Variants in NRXN3 observed in about 807,000 individuals in gnomAD.
NRXN3 encodes the protein neurexin III.
NRXN3 carries 32 observed loss-of-function variants against 137.6 expected under a neutral mutation model. The ratio of observed to expected loss-of-function variants is 0.23; its 90% CI spans 0.18 to 0.31. NRXN3 has a LOEUF of 0.31. Ranked by LOEUF, NRXN3 falls within the 10% of genes least tolerant of loss-of-function variation. The pLI is 1.00. For missense variants in NRXN3, 1,574 were observed against 2,062.5 expected, an observed-to-expected ratio of 0.76 and a Z score of 4.59; for synonymous variants, 798 against 784.5, an observed-to-expected ratio of 1.02 and a Z score of -0.29.
At chr14:79,451,321 G>C (rs1344828309) in intron 15 of NRXN3, among the ~76,000 whole-genome samples, 1 of 152,094 alleles carries the variant, frequency 6.6e-6, no homozygotes, top group Non-Finnish European at 1.5e-5. Context: ...TGAAAGATAG[G>C]TCATTTTTAA....
intron 4 of NRXN3, among the ~76,000 whole-genome samples, chr14:78,500,087 T>A (rs545197692): frequency 3.9e-5 from 6 of 152,298 alleles, no homozygotes; most frequent in African/African-American, 1.4e-4. Flanking sequence ...ATGCCTGACC[T>A]GTGGGTTGTC....
intron 20 of NRXN3, among the ~76,000 whole-genome samples, chr14:79,858,664 T>C (rs1479437365): frequency 6.6e-6 from 1 of 152,130 alleles, no homozygotes; most frequent in Non-Finnish European, 1.5e-5. Flanking sequence ...TGCCTTGTCC[T>C]CTGAAGGTAA....
chr14:78,782,774 T>A lies in NRXN3; in HGVS notation c.2045-20846T>A, dbSNP rs1288334304. Among the ~76,000 whole-genome samples the A allele has an allele frequency of 2.6e-5, 4 of 152,214 alleles. No individual in the cohort carries two copies. In the East Asian group the frequency reaches 7.7e-4, roughly 29 times the overall value. ...AGACTCAACTGAGAGATCAAGTGACTTGTCCAGTCACAGAGCTAATAAGTG... is the reference window on the plus strand; with the variant it reads ...AGACTCAACTGAGAGATCAAGTGACATGTCCAGTCACAGAGCTAATAAGTG... On this transcript the variant is annotated intron_variant, in intron 8 of 20. Transcript: ENST00000335750.
At chr14:78,364,970 ATTG>A (rs2085694782) in intron 4 of NRXN3, among the ~76,000 whole-genome samples, 1 of 152,190 alleles carries the variant, frequency 6.6e-6, no homozygotes, top group Non-Finnish European at 1.5e-5. Context: ...TGTTTTCACT[ATTG>A]TTAATGATTA....
At chr14:79,423,667 G>A (rs1033593337) in intron 15 of NRXN3, among the ~76,000 whole-genome samples, 1 of 152,134 alleles carries the variant, frequency 6.6e-6, no homozygotes, top group African/African-American at 2.4e-5. Context: ...AGCGTCGGTT[G>A]CTCTCATCGC....
chr14:79,737,944 A>G (rs2098947904), intron 19 of NRXN3, among the ~76,000 whole-genome samples: 1 of 152,158 alleles, frequency 6.6e-6, no homozygotes, highest in Non-Finnish European at 1.5e-5. Flanking sequence ...AGAATCCAAC[A>G]TTCTGTTGCA....
chr14:79,493,539 C>T (rs1244839717), intron 16 of NRXN3, among the ~76,000 whole-genome samples: 1 of 152,048 alleles, frequency 6.6e-6, no homozygotes, highest in Non-Finnish European at 1.5e-5. Context: ...AAGAGTCAAA[C>T]ATATAGAAAA....
chr14:78,983,806 G>A (rs1167220027), intron 14 of NRXN3, among the ~76,000 whole-genome samples: 2 of 145,722 alleles, frequency 1.4e-5, no homozygotes, highest in African/African-American at 2.6e-5. Flanking sequence ...GCAGTGAGCC[G>A]AGATCATGCC....
At chr14:78,783,265 G>A (rs2098776412) in intron 8 of NRXN3, among the ~76,000 whole-genome samples, 2 of 152,116 alleles carry the variant, frequency 1.3e-5, no homozygotes, top group African/African-American at 4.8e-5. Context: ...CATTTTTATG[G>A]TGTTCTTGCC....
intron 15 of NRXN3, among the ~76,000 whole-genome samples, chr14:79,286,980 A>G (rs2082372748): frequency 6.6e-6 from 1 of 152,198 alleles, no homozygotes; most frequent in Admixed American, 6.5e-5. Context: ...ACCAATGTGT[A>G]CAGGTTAAAT....
intron 16 of NRXN3, among the ~76,000 whole-genome samples, chr14:79,490,147 C>T (rs1262688244): frequency 6.6e-6 from 1 of 151,750 alleles, no homozygotes; most frequent in Non-Finnish European, 1.5e-5. Context: ...AGGCTTATAC[C>T]CAAAGATAGG....
intron 19 of NRXN3, among the ~76,000 whole-genome samples, chr14:79,741,333 G>T (rs1296609426): frequency 6.6e-6 from 1 of 152,084 alleles, no homozygotes; most frequent in Non-Finnish European, 1.5e-5. Context: ...AGAATCAACA[G>T]CATGCTTTCT....
chr14:79,247,650 G>A (rs1250823727), intron 15 of NRXN3, among the ~76,000 whole-genome samples: 1 of 152,088 alleles, frequency 6.6e-6, no homozygotes, highest in Non-Finnish European at 1.5e-5. Context: ...CCAAAAGCTA[G>A]GTAGTTGTCT....
chr14:78,823,833 C>G (rs180771111), intron 10 of NRXN3, among the ~76,000 whole-genome samples: 3 of 151,208 alleles, frequency 2.0e-5, no homozygotes, highest in Non-Finnish European at 2.9e-5. Flanking sequence ...ATGGGTTACA[C>G]GTTAAAAAAA....
chr14:78,605,864 A>C (rs2097247394), intron 4 of NRXN3, among the ~76,000 whole-genome samples: 1 of 152,242 alleles, frequency 6.6e-6, no homozygotes. Flanking sequence ...GGATTGCTGC[A>C]GTCAGATTTT....
chr14:79,797,456 ATAGTAT>A (rs2099164383), intron 19 of NRXN3, among the ~76,000 whole-genome samples: 1 of 152,204 alleles, frequency 6.6e-6, no homozygotes, highest in Admixed American at 6.5e-5. Flanking sequence ...GTCACCTTAG[ATAGTAT>A]CTTAACAAGA....
chr14:78,255,391 G>A (rs73310325), intron 2 of NRXN3, among the ~76,000 whole-genome samples: 1,722 of 152,292 alleles, frequency 0.011, 31 homozygotes, highest in African/African-American at 0.04. Context: ...TCATTGCCAC[G>A]TGGGCAGAGG....
intron 4 of NRXN3, among the ~76,000 whole-genome samples, chr14:78,502,611 T>C (rs2095900621): frequency 6.6e-6 from 1 of 152,200 alleles, no homozygotes. Context: ...TATATTCACT[T>C]TTTTTCTTGC....
intron 19 of NRXN3, among the ~76,000 whole-genome samples, chr14:79,796,537 A>G (rs1308660686): frequency 1.3e-5 from 2 of 152,074 alleles, no homozygotes; most frequent in Non-Finnish European, 2.9e-5. Context: ...GGAAAAAAAA[A>G]TTAAACTGCT....
Sources: allele counts gnomAD v4.1 joint callset (sites outside exome capture counted in the v4.1 genomes callset), GRCh38; gene constraint gnomAD v4.1.1; transcripts MANE v1.5; gene names NCBI Gene and HGNC (gene_info 2026-07-23, HGNC 2026-07-21).